ZNF140: variants seen among roughly 807,000 people sequenced by gnomAD.
ZNF140 encodes zinc finger protein 140 (clone pHZ-39).
ZNF140 carries 13 observed loss-of-function variants against 12.9 expected under a neutral mutation model. The ratio of observed to expected loss-of-function variants is 1.01; its 90% CI spans 0.66 to 1.60. The LOEUF is 1.60. Among genes scored for constraint, ZNF140 ranks in the 40% most tolerant of loss-of-function variants. ZNF140 has a pLI of 0.00. For missense variants in ZNF140, 531 were observed against 548.8 expected (o/e 0.97, Z 0.32); for synonymous variants, 214 against 186.7 (o/e 1.15, Z -1.19).
chr12:133,090,653 G>T (rs912640671), intron 4 of ZNF140, among the ~76,000 whole-genome samples: 100 of 113,918 alleles, frequency 8.8e-4, no homozygotes, highest in African/African-American at 2.5e-3. Context: ...GGGCCCAGGG[G>T]ACCAGCACTC....
In ZNF140 at chr12:133,091,228, C is replaced by T. The variant is rs368181860; in HGVS notation, c.232+7667C>T. 4.9e-3 allele frequency among the ~76,000 whole-genome samples: 732 copies of T among 149,368 alleles called. 25 individuals are homozygous for T. The highest frequency in any genetic ancestry group is 7.2e-3 in the South Asian group (34 of 4,746). On this transcript the variant is annotated intron_variant, in intron 4 of 4. Coordinates refer to ENST00000355557, the MANE Select transcript of ZNF140 (RefSeq NM_003440.4). ...CTGCTTTCAAGGGCAGAGGTCTCTGCGGCTTTCTGCAGTGCACTGTGCCCT... is the reference window on the plus strand; with the variant it reads ...CTGCTTTCAAGGGCAGAGGTCTCTGTGGCTTTCTGCAGTGCACTGTGCCCT...
intron 4 of ZNF140, among the ~76,000 whole-genome samples, chr12:133,100,785 G>A (rs1197725524): frequency 1.3e-5 from 2 of 152,114 alleles, no homozygotes; most frequent in Admixed American, 6.6e-5. Flanking sequence ...CAAGCACTAC[G>A]ATACTGCATC....
chr12:133,083,788 T>C (rs1420286558), intron 4 of ZNF140, among the ~76,000 whole-genome samples: 1 of 152,016 alleles, frequency 6.6e-6, no homozygotes, highest in African/African-American at 2.4e-5. Context: ...TGACACCCCA[T>C]CTCTGCTAAA....
At chr12:133,097,870 T>C (rs1955192447) in intron 4 of ZNF140, among the ~76,000 whole-genome samples, 1 of 151,384 alleles carries the variant, frequency 6.6e-6, no homozygotes, top group Non-Finnish European at 1.5e-5. Context: ...GAAGTCTTAC[T>C]CTGTAGCCCA....
chr12:133,107,134 G>C lies in ZNF140; in HGVS notation c.*483G>C, dbSNP rs548001660. 3.9e-5 allele frequency: 6 copies of C among 152,792 alleles called. No individual in the cohort carries two copies. The highest frequency in any genetic ancestry group is 8.8e-5 in the Non-Finnish European group (6 of 68,500). The allele number at this position is 152,792 out of a possible 1,614,324, so 9.5% of individuals were successfully genotyped here. On this transcript the variant is annotated 3_prime_UTR_variant, in exon 5 of 5. Transcript: ENST00000355557. ...AAAGTGATACAAACACAGTGATTTG[G>C]GAATGCCTTCATTTACAATGCAATA...
rs1258381214 is a variant in ZNF140, at chr12:133,106,883, T to C, written c.*232T>C. ...CAATAACAAGGTGAAATCAATATTG[T>C]TGAGAAGATTCTTCCATCTGGTAAT... is the stretch of plus-strand genomic sequence containing the variant. On this transcript the variant is annotated 3_prime_UTR_variant, in exon 5 of 5. Coordinates refer to ENST00000355557, the MANE Select transcript of ZNF140 (RefSeq NM_003440.4). 10 of 357,034 alleles carry C rather than the reference T, an allele frequency of 2.8e-5. No homozygotes were observed. The highest frequency in any genetic ancestry group is 4.3e-5 in the Admixed American group (1 of 23,102). 22.1% of individuals were successfully genotyped at this position (357,034 alleles called of 1,614,324 possible).
chr12:133,084,526 A>G (rs1027003422), intron 4 of ZNF140, among the ~76,000 whole-genome samples: 1 of 152,238 alleles, frequency 6.6e-6, no homozygotes, highest in African/African-American at 2.4e-5. Flanking sequence ...TGAAAAAAGG[A>G]ATTTCCAGTT....
rs748056251 is a variant in ZNF140 at position 133,106,113 on chromosome 12, G to A, written c.836G>A (p.Gly279Asp). Residue 279 changes from glycine to aspartate, a missense_variant, in exon 5 of 5, where the codon GGT becomes GAT. Physicochemically the swap from Gly to Asp is moderately conservative, Grantham distance 94. Coordinates refer to ENST00000355557, the MANE Select transcript of ZNF140 (RefSeq NM_003440.4). Reference sequence around the variant, plus strand: ...AAACAATATATATGTAGGAAATGTGGTAAAGCATTTAGCAGTGGCTCAGAA... The same window carrying A: ...AAACAATATATATGTAGGAAATGTGATAAAGCATTTAGCAGTGGCTCAGAA... ...GKKQYICRKC[G>D]KAFSSGSELI... 4 of 1,614,150 alleles carry A rather than the reference G, an allele frequency of 2.5e-6. No individual in the cohort carries two copies. Among genetic ancestry groups the A allele is most frequent in the Non-Finnish European group, 3.4e-6 (4 of 1,180,020 alleles).
At chr12:133,099,932 A>T (rs1384882119) in intron 4 of ZNF140, among the ~76,000 whole-genome samples, 1 of 150,364 alleles carries the variant, frequency 6.7e-6, no homozygotes, top group Non-Finnish European at 1.5e-5. Context: ...TGGGCTTGAG[A>T]GTTTTTTTTT....
At chr12:133,104,572 C>T (rs998253756) in intron 4 of ZNF140, among the ~76,000 whole-genome samples, 12 of 152,004 alleles carry the variant, frequency 7.9e-5, no homozygotes, top group South Asian at 2.1e-4. Flanking sequence ...AGGCTGGTCT[C>T]GATCTCCTGA....
intron 4 of ZNF140, chr12:133,093,546 A>G: frequency 1.5e-6 from 1 of 689,218 alleles, no homozygotes; most frequent in Non-Finnish European, 2.6e-6. Context: ...TTCTGGTTAA[A>G]CACAAGCAAA....
At chr12:133,081,371 A>ATATATATATAC (rs1593734785) in intron 2 of ZNF140, 42 bp downstream of exon 2, 1 of 249,656 alleles carries the variant, frequency 4.0e-6, no homozygotes, top group African/African-American at 2.8e-5. Flanking sequence ...ATATATATAT[A>ATATATATATAC]AATTTTTATT....
chr12:133,105,745 T>G lies in ZNF140; in HGVS notation c.468T>G (p.Thr156=), dbSNP rs1218213274. 6.2e-7 allele frequency: 1 copy of G among 1,614,086 alleles called. No individual in the cohort carries two copies. The highest frequency in any genetic ancestry group is 1.3e-5 in the African/African-American group (1 of 74,934). ...EALAQHMNIS[T]VERPYGCHEC... is the part of the protein sequence containing the mutation. ...TGGCTCAACATATGAATATCAGTAC[T>G]GTGGAGAGGCCCTATGGATGCCATG... Residue 156 remains threonine (T), a synonymous_variant, in exon 5 of 5, where the codon ACT becomes ACG. Transcript: ENST00000355557.
At chr12:133,083,064 A>C in intron 2 of ZNF140, 39 bp from the exon 3 acceptor site, 2 of 1,613,880 alleles carry the variant, frequency 1.2e-6, no homozygotes, top group Non-Finnish European at 1.7e-6. Context: ...GTTTGGGGGC[A>C]TGCGTGCTGG....
intron 4 of ZNF140, among the ~76,000 whole-genome samples, chr12:133,094,778 A>C (rs1395860843): frequency 6.6e-6 from 1 of 150,976 alleles, no homozygotes; most frequent in Admixed American, 6.6e-5. Context: ...CTCCCCCAGC[A>C]CTCACTCGGC....
chr12:133,105,084 T>C (rs1247720460), intron 4 of ZNF140, among the ~76,000 whole-genome samples: 1 of 152,334 alleles, frequency 6.6e-6, no homozygotes, highest in East Asian at 1.9e-4. Flanking sequence ...TTTAGATTAT[T>C]ATAAGATGTT....
intron 4 of ZNF140, among the ~76,000 whole-genome samples, chr12:133,091,474 A>G (rs1954889399): frequency 6.6e-6 from 1 of 150,998 alleles, no homozygotes; most frequent in Non-Finnish European, 1.5e-5. Flanking sequence ...TCTTTTTCAA[A>G]ATGGAGTCTC....
At chr12:133,081,402 G>T in intron 2 of ZNF140, 73 bp downstream of exon 2, 1 of 197,232 alleles carries the variant, frequency 5.1e-6, no homozygotes. Context: ...GAGAGAGACA[G>T]GGTCTCCTCC....
intron 4 of ZNF140, among the ~76,000 whole-genome samples, chr12:133,096,846 A>T (rs1955147694): frequency 6.6e-6 from 1 of 152,202 alleles, no homozygotes; most frequent in Admixed American, 6.5e-5. Flanking sequence ...AATCTGTTGA[A>T]TGAAGTAGTC....
Sources: gnomAD v4.1 joint callset for allele counts (sites outside exome capture counted in the v4.1 genomes callset) on GRCh38, gnomAD v4.1.1 for gene constraint, MANE v1.5 for transcripts, NCBI Gene and HGNC (gene_info 2026-07-23, HGNC 2026-07-21) for gene names.